Variants in XIRP2 observed in about 807,000 individuals in gnomAD.
The protein encoded by XIRP2 is xin actin binding repeat containing 2.
A neutral mutation model predicts 277.0 loss-of-function variants in XIRP2; 236 were observed. The observed-to-expected ratio is 0.85, with a 90% CI of 0.77 to 0.95. The LOEUF (loss-of-function observed/expected upper bound fraction) is 0.95, where lower values mean the gene tolerates loss of function less well. Among genes scored for constraint, XIRP2 ranks in the 40% least tolerant of loss-of-function variants. The pLI, the probability that XIRP2 is intolerant of heterozygous loss-of-function variation, is 0.00. For synonymous variants in XIRP2, 1,490 were observed against 1,416.5 expected (o/e 1.05, Z -1.17); for missense variants, 4,640 against 4,157.5 (o/e 1.12, Z -3.19).
At position 167,250,107 on chromosome 2, in the gene XIRP2, A is replaced by G. The variant is rs768731520; in HGVS notation, c.8715A>G (p.Gln2905=). Residue 2905 remains glutamine (Q), a synonymous_variant, in exon 9 of 11, where the codon CAA becomes CAG. Transcript: ENST00000409195. ...EEKCLEVKGI[Q]EKQVFSNTKD... ...AATGTCTCGAAGTCAAGGGCATACA[A>G]GAGAAACAAGTCTTCTCTAATACTA... 3.1e-6 allele frequency: 5 copies of G among 1,613,396 alleles called. No individual in the cohort carries two copies. Among genetic ancestry groups the G allele is most frequent in the Non-Finnish European group, 3.4e-6 (4 of 1,179,666 alleles).
chr2:166,925,587 G>A (rs1162796553), intron 2 of XIRP2, among the ~76,000 whole-genome samples: 2 of 100,480 alleles, frequency 2.0e-5, no homozygotes, highest in Non-Finnish European at 3.7e-5. Context: ...GTGTGTGTAT[G>A]TGTATATACA....
intron 2 of XIRP2, among the ~76,000 whole-genome samples, chr2:167,111,590 C>G (rs1377493943): frequency 6.6e-6 from 1 of 151,768 alleles, no homozygotes; most frequent in Middle Eastern, 3.2e-3. Flanking sequence ...ATTTTGCTGA[C>G]TTTTACATCT....
chr2:167,077,332 G>A (rs1323645751), intron 2 of XIRP2, among the ~76,000 whole-genome samples: 1 of 151,980 alleles, frequency 6.6e-6, no homozygotes, highest in Non-Finnish European at 1.5e-5. Context: ...TACCCTAATT[G>A]TAAGTCTTTC....
intron 2 of XIRP2, among the ~76,000 whole-genome samples, chr2:167,021,423 T>C (rs1044326992): frequency 2.6e-5 from 4 of 152,172 alleles, no homozygotes; most frequent in Non-Finnish European, 4.4e-5. Flanking sequence ...ATTATAGCAC[T>C]ACACGTGCAA....
intron 2 of XIRP2, among the ~76,000 whole-genome samples, chr2:166,981,869 G>A (rs1452975199): frequency 1.3e-5 from 2 of 152,142 alleles, no homozygotes; most frequent in Non-Finnish European, 2.9e-5. Context: ...ACTCAACATA[G>A]TACAAACACT....
chr2:167,009,978 T>C (rs998894759), intron 2 of XIRP2, among the ~76,000 whole-genome samples: 4 of 152,286 alleles, frequency 2.6e-5, no homozygotes, highest in Non-Finnish European at 4.4e-5. Flanking sequence ...CTTTGTCAGA[T>C]GAGTAGCTTG....
chr2:167,050,650 A>G (rs1688891351), intron 2 of XIRP2, among the ~76,000 whole-genome samples: 1 of 152,016 alleles, frequency 6.6e-6, no homozygotes, highest in Non-Finnish European at 1.5e-5. Context: ...TAAAAGAGGG[A>G]AAGCTGGGAG....
At chr2:167,212,002 G>A (rs1412120390) in intron 4 of XIRP2, among the ~76,000 whole-genome samples, 1 of 152,054 alleles carries the variant, frequency 6.6e-6, no homozygotes, top group Non-Finnish European at 1.5e-5. Flanking sequence ...CAAAAAAGGT[G>A]GTGTATTAAA....
chr2:167,136,140 G>A (rs1208381180), intron 3 of XIRP2, 78 bp downstream of exon 3: 3 of 1,363,618 alleles, frequency 2.2e-6, no homozygotes, highest in South Asian at 2.0e-5. Context: ...AAATATATGA[G>A]GGGTTTGTTT....
At chr2:167,019,038 A>T (rs1412181591) in intron 2 of XIRP2, among the ~76,000 whole-genome samples, 1 of 152,028 alleles carries the variant, frequency 6.6e-6, no homozygotes, top group Non-Finnish European at 1.5e-5. Flanking sequence ...TGAGTGAATA[A>T]CTGCATGCAC....
intron 1 of XIRP2, among the ~76,000 whole-genome samples, chr2:166,901,704 G>T (rs1301978524): frequency 6.6e-6 from 1 of 152,094 alleles, no homozygotes; most frequent in Non-Finnish European, 1.5e-5. Context: ...AGCATATGTT[G>T]TTTAAATTCT....
At chr2:167,193,745 GT>G (rs1432493190) in intron 3 of XIRP2, among the ~76,000 whole-genome samples, 1 of 151,866 alleles carries the variant, frequency 6.6e-6, no homozygotes, top group African/African-American at 2.4e-5. Flanking sequence ...AGGTGTGGTG[GT>G]GCGTGCCTGT....
At chr2:167,119,523 C>T (rs1047353887) in intron 2 of XIRP2, among the ~76,000 whole-genome samples, 1 of 152,164 alleles carries the variant, frequency 6.6e-6, no homozygotes, top group Non-Finnish European at 1.5e-5. Context: ...AGAACCATTG[C>T]ACTTGAACTA....
At chr2:167,101,296 TA>T (rs980573176) in intron 2 of XIRP2, among the ~76,000 whole-genome samples, 2 of 152,214 alleles carry the variant, frequency 1.3e-5, no homozygotes, top group African/African-American at 2.4e-5. Flanking sequence ...TAAAAAATGG[TA>T]AAAGAGTTTG....
chr2:166,919,385 A>T (rs982279397), intron 2 of XIRP2, among the ~76,000 whole-genome samples: 1 of 152,202 alleles, frequency 6.6e-6, no homozygotes, highest in African/African-American at 2.4e-5. Flanking sequence ...GTTTTATGCG[A>T]ATGTAAGTCA....
chr2:167,129,276 A>G (rs924345215), intron 2 of XIRP2, among the ~76,000 whole-genome samples: 17 of 152,286 alleles, frequency 1.1e-4, no homozygotes, highest in African/African-American at 4.1e-4. Flanking sequence ...GGGAGTGTAC[A>G]CGAGCTAGCT....
At chr2:166,896,021 G>T (rs1684232009) in intron 1 of XIRP2, among the ~76,000 whole-genome samples, 1 of 152,088 alleles carries the variant, frequency 6.6e-6, no homozygotes, top group African/African-American at 2.4e-5. Context: ...TGCATCTGTG[G>T]ATGTTATGAG....
intron 2 of XIRP2, among the ~76,000 whole-genome samples, chr2:167,070,757 C>T (rs1216600480): frequency 1.3e-5 from 2 of 152,024 alleles, no homozygotes; most frequent in Non-Finnish European, 1.5e-5. Flanking sequence ...TGGAGCATAC[C>T]AGGCTCAAGG....
At chr2:166,905,696 A>G (rs1178569975) in intron 2 of XIRP2, among the ~76,000 whole-genome samples, 4 of 151,940 alleles carry the variant, frequency 2.6e-5, no homozygotes, top group Non-Finnish European at 5.9e-5. Flanking sequence ...AGTTTTTAGA[A>G]TCAGTTCACA....
Sources: gnomAD v4.1 joint callset for allele counts (sites outside exome capture counted in the v4.1 genomes callset) on GRCh38, gnomAD v4.1.1 for gene constraint, MANE v1.5 for transcripts, NCBI Gene and HGNC (gene_info 2026-07-23, HGNC 2026-07-21) for gene names.